ERO1B: variants seen among roughly 807,000 people sequenced by gnomAD.
ERO1B encodes the protein endoplasmic reticulum oxidoreductase 1 beta, also known as ERO1-like protein beta.
A neutral mutation model predicts 75.3 loss-of-function variants in ERO1B; 49 were observed. The ratio of observed to expected loss-of-function variants is 0.65; its 90% confidence interval spans 0.52 to 0.83. The LOEUF is 0.83. ERO1B is among the 40% of genes least tolerant of loss of function. The pLI, the probability that ERO1B is intolerant of heterozygous loss-of-function variation, is 0.00. For missense variants in ERO1B, 512 were observed against 560.1 expected (o/e 0.91, Z 0.87); for synonymous variants, 191 against 192.9 (o/e 0.99, Z 0.08).
At chr1:236,268,300 C>T (rs543360116) in intron 2 of ERO1B, among the ~76,000 whole-genome samples, 22 of 152,064 alleles carry the variant, frequency 1.4e-4, no homozygotes, top group African/African-American at 2.9e-4. Flanking sequence ...ATTAGCCAGG[C>T]GTGGTGGTGG....
intron 2 of ERO1B, among the ~76,000 whole-genome samples, chr1:236,257,521 CTTAAG>C (rs1236741872): frequency 1.5e-5 from 2 of 132,726 alleles, no homozygotes; most frequent in African/African-American, 2.9e-5. Flanking sequence ...TTCTATGTGC[CTTAAG>C]TTAAGAAAAA....
intron 2 of ERO1B, among the ~76,000 whole-genome samples, chr1:236,261,535 GATC>G (rs1351015554): frequency 6.6e-6 from 1 of 152,058 alleles, no homozygotes; most frequent in Non-Finnish European, 1.5e-5. Flanking sequence ...AAAATTGAGA[GATC>G]ATATTTACAG....
At chr1:236,260,200 A>G (rs771985911) in intron 2 of ERO1B, among the ~76,000 whole-genome samples, 20 of 152,210 alleles carry the variant, frequency 1.3e-4, no homozygotes, top group Non-Finnish European at 2.5e-4. Context: ...TCGAAGAAAA[A>G]GAGACTACTA....
chr1:236,269,374 G>A (rs1665538914), intron 2 of ERO1B, among the ~76,000 whole-genome samples: 1 of 152,128 alleles, frequency 6.6e-6, no homozygotes, highest in South Asian at 2.1e-4. Flanking sequence ...ATTTTGTAAA[G>A]GTCTAGAGTA....
chr1:236,233,329 A>C (rs904136186), intron 8 of ERO1B, among the ~76,000 whole-genome samples: 3 of 148,876 alleles, frequency 2.0e-5, no homozygotes, highest in Admixed American at 1.3e-4. Context: ...AAAAAGAAGA[A>C]GGCTGGGCAC....
chr1:236,244,145 T>C (rs573625473), intron 5 of ERO1B, among the ~76,000 whole-genome samples: 4 of 152,322 alleles, frequency 2.6e-5, no homozygotes, highest in East Asian at 1.9e-4. Flanking sequence ...CTTCTCTGTA[T>C]TGAATACTCA....
intron 2 of ERO1B, among the ~76,000 whole-genome samples, chr1:236,261,649 A>C (rs1165415940): frequency 6.6e-6 from 1 of 152,234 alleles, no homozygotes; most frequent in East Asian, 1.9e-4. Flanking sequence ...GACATAAATA[A>C]GTGGAAAGAC....
chr1:236,261,168 T>C (rs1192147700), intron 2 of ERO1B, among the ~76,000 whole-genome samples: 1 of 152,078 alleles, frequency 6.6e-6, no homozygotes, highest in African/African-American at 2.4e-5. Flanking sequence ...TACCCCAGCA[T>C]AATAAAGGTC....
intron 10 of ERO1B, among the ~76,000 whole-genome samples, chr1:236,227,345 G>A (rs1664304424): frequency 6.6e-6 from 1 of 152,176 alleles, no homozygotes; most frequent in African/African-American, 2.4e-5. Context: ...GTTATTTGAT[G>A]TAGCCTTCTT....
rs979116961 is a variant in ERO1B, at chr1:236,251,495, C to T, written c.348+555G>A. ...CACGGGAGAGAGAGCAAGAAGAAAA[C>T]GCAAAGGAGGCACAAGAAGGAGACA... On this transcript the variant is annotated intron_variant, in intron 4 of 15. Coordinates refer to ENST00000354619, the MANE Select transcript of ERO1B (RefSeq NM_019891.4). The T allele has an allele frequency of 1.8e-5, 18 of 977,602 alleles. No homozygotes were observed. In the African/African-American group the frequency reaches 1.9e-4, roughly 10 times the overall value. 60.6% of individuals were successfully genotyped at this position (977,602 alleles called of 1,614,324 possible). A position where few individuals can be genotyped will look rare whatever the true frequency, so the allele number is the denominator to read the frequency against.
At position 236,250,733 on chromosome 1, in the gene ERO1B, TAC is replaced by T. The variant is rs566991703; in HGVS notation, c.349-768_349-767del. ...ATATATATACATACGTACATATATA[TAC>T]ACACACACACATACACACACACGTT... On this transcript the variant is annotated intron_variant, in intron 4 of 15. Transcript: ENST00000354619. 4.7e-5 allele frequency among the ~76,000 whole-genome samples: 7 copies of T among 150,318 alleles called. No individual in the cohort carries two copies. The Admixed American group carries it at 4.7e-4, about 10-fold the overall frequency.
At chr1:236,265,211 T>C (rs1665407810) in intron 2 of ERO1B, among the ~76,000 whole-genome samples, 1 of 152,142 alleles carries the variant, frequency 6.6e-6, no homozygotes, top group Non-Finnish European at 1.5e-5. Flanking sequence ...ATGCAAGACG[T>C]GTTAGCTATG....
At chr1:236,253,541 A>G in intron 2 of ERO1B, 36 bp from the exon 3 acceptor site, 1 of 1,387,244 alleles carries the variant, frequency 7.2e-7, no homozygotes, top group Non-Finnish European at 1.0e-6. Context: ...AACTCATATT[A>G]TAGTTATGGG....
chr1:236,256,326 A>C (rs1275624861), intron 2 of ERO1B, among the ~76,000 whole-genome samples: 2 of 152,132 alleles, frequency 1.3e-5, no homozygotes, highest in African/African-American at 4.8e-5. Context: ...ACTCCAGACC[A>C]AAAGGTTACT....
intron 6 of ERO1B, among the ~76,000 whole-genome samples, chr1:236,241,858 G>T (rs1334411727): frequency 6.6e-6 from 1 of 151,984 alleles, no homozygotes; most frequent in Admixed American, 6.6e-5. Flanking sequence ...CACGAGGTCA[G>T]GAGATCAAGA....
At chr1:236,264,343 A>G (rs1361528374) in intron 2 of ERO1B, among the ~76,000 whole-genome samples, 1 of 152,124 alleles carries the variant, frequency 6.6e-6, no homozygotes, top group Admixed American at 6.6e-5. Flanking sequence ...TCCTGGCCTC[A>G]ACTGATCCAC....
At position 236,218,540 on chromosome 1, in the gene ERO1B, T is replaced by C; in HGVS notation, c.1380A>G (p.Lys460=). Residue 460 remains lysine, a synonymous_variant, in exon 16 of 16, where the codon AAA becomes AAG. Transcript: ENST00000354619. The part of the protein sequence containing the change: ...STSIRDLQNF[K]VLLQHSR The stretch of plus-strand genomic sequence containing the variant: ...ATTACCTACTGTGTTGTAATAAGAC[T>C]TTAAAATTCTGTAAGTCTCTTATAC... 7.1e-7 allele frequency: 1 copy of C among 1,413,310 alleles called. No homozygotes were observed. The highest frequency in any genetic ancestry group is 2.8e-5 in the East Asian group (1 of 35,866). The allele number at this position is 1,413,310 out of a possible 1,614,324, so 87.5% of individuals were successfully genotyped here.
intron 9 of ERO1B, among the ~76,000 whole-genome samples, chr1:236,230,504 C>T (rs886861563): frequency 6.8e-6 from 1 of 146,670 alleles, no homozygotes; most frequent in African/African-American, 2.5e-5. Flanking sequence ...TCCAGCTACT[C>T]GGGAGGATGA....
rs756433232 is a variant in ERO1B, at chr1:236,253,470, T to C, written c.258A>G (p.Glu86=). ...NLKRPCPFWA[E]DGHCSIKDCH... ...AGTCTTTTATTGAACAGTGGCCATCTTCTGCCCAGAAAGGACAAGGTCGCT... is the reference window on the plus strand; with the variant it reads ...AGTCTTTTATTGAACAGTGGCCATCCTCTGCCCAGAAAGGACAAGGTCGCT... Residue 86 remains glutamate, a synonymous_variant, in exon 3 of 16, where the codon GAA becomes GAG. Coordinates refer to ENST00000354619, the MANE Select transcript of ERO1B (RefSeq NM_019891.4). The C allele has an allele frequency of 9.9e-6, 16 of 1,610,932 alleles. No individual in the cohort carries two copies.
Sources: allele counts gnomAD v4.1 joint callset (sites outside exome capture counted in the v4.1 genomes callset), GRCh38; gene constraint gnomAD v4.1.1; transcripts MANE v1.5; gene names NCBI Gene and HGNC (gene_info 2026-07-23, HGNC 2026-07-21).